The following ZNF208 variants were observed in gnomAD, a reference collection of about 807,000 sequenced individuals.
ZNF208 encodes the protein zinc finger protein 208.
Under a neutral mutation model 12.1 loss-of-function variants are expected in ZNF208, and 10 were observed. The ratio of observed to expected loss-of-function variants is 0.83; its 90% confidence interval spans 0.51 to 1.40. The LOEUF is 1.40. Among genes scored for constraint, ZNF208 ranks in the 40% most tolerant of loss-of-function variants. The probability of loss-of-function intolerance (pLI) is 0.00; values close to 1 mark genes in which losing one functional copy is unlikely to be tolerated. For synonymous variants in ZNF208, 497 were observed against 488.4 expected (o/e 1.02, Z -0.23); for missense variants, 1,652 against 1,485.0 (o/e 1.11, Z -1.85).
intron 4 of ZNF208, among the ~76,000 whole-genome samples, chr19:21,952,861 A>C (rs1461995571): frequency 3.3e-5 from 5 of 152,212 alleles, no homozygotes; most frequent in Admixed American, 2.6e-4. Context: ...GTCGGTAGTA[A>C]CAAACTTCTG....
intron 4 of ZNF208, among the ~76,000 whole-genome samples, chr19:21,957,254 G>A (rs1400375435): frequency 6.6e-6 from 1 of 152,154 alleles, no homozygotes; most frequent in East Asian, 1.9e-4. Context: ...TGGCTAGGAT[G>A]ATCTTGAACT....
In ZNF208 at chr19:21,971,755, A is replaced by G. The variant is rs879171085; in HGVS notation, c.3279T>C (p.Ala1093=). The change falls in exon 4 of 4, where the codon GCT becomes GCC. Residue 1093 remains alanine (A), a synonymous_variant. Coordinates refer to ENST00000397126, the MANE Select transcript of ZNF208 (RefSeq NM_007153.3). ...EPYKCEECGK[A]FNWSSNLMEH... ...CCATAAGGTTTGAGGACCAGTTGAA[A>G]GCTTTGCCACATTCTTCACATTTGT... 1 of 1,605,656 alleles carries G rather than the reference A, an allele frequency of 6.2e-7. No homozygotes were observed. The highest frequency in any genetic ancestry group is 8.5e-7 in the Non-Finnish European group (1 of 1,177,626).
At chr19:21,987,631 G>A (rs1056988579) in intron 2 of ZNF208, among the ~76,000 whole-genome samples, 7 of 152,134 alleles carry the variant, frequency 4.6e-5, no homozygotes, top group Admixed American at 1.3e-4. Context: ...CTCCTTTGAA[G>A]CACTGGAATG....
At chr19:21,944,731 A>T (rs987173814) in intron 4 of ZNF208, among the ~76,000 whole-genome samples, 1 of 152,208 alleles carries the variant, frequency 6.6e-6, no homozygotes, top group Non-Finnish European at 1.5e-5. Flanking sequence ...TGATTTAAAA[A>T]TTTTAATTTT....
At position 21,973,068 on chromosome 19, in the gene ZNF208, T is replaced by G. The variant is rs1599615340; in HGVS notation, c.1966A>C (p.Lys656Gln). The G allele has an allele frequency of 1.2e-6, 2 of 1,613,524 alleles. No homozygotes were observed. Among genetic ancestry groups the G allele is most frequent in the Non-Finnish European group, 1.7e-6 (2 of 1,179,708 alleles). The change falls in exon 4 of 4, where the codon AAG (lysine) becomes CAG (glutamine). Residue 656 changes from lysine (K) to glutamine (Q), a missense_variant. By Grantham distance (53) the Lys-to-Gln change is moderately conservative. Coordinates refer to ENST00000397126, the MANE Select transcript of ZNF208 (RefSeq NM_007153.3). ...GGCTTCTCTCCAGCATGAATTGCCT[T>G]ATGTGTAGTAAGGGTTGAGACCTTA... ...FIKVSTLTTH[K>Q]AIHAGEKPYK...
chr19:21,978,557 C>T (rs1298125895), intron 3 of ZNF208, among the ~76,000 whole-genome samples: 3 of 152,012 alleles, frequency 2.0e-5, no homozygotes, highest in Non-Finnish European at 4.4e-5. Flanking sequence ...ACTCAGAAAC[C>T]CCGTCCAAAA....
At chr19:21,984,524 G>A (rs146174010) in intron 3 of ZNF208, among the ~76,000 whole-genome samples, 29 of 152,264 alleles carry the variant, frequency 1.9e-4, no homozygotes, top group Non-Finnish European at 3.8e-4. Context: ...TTGCACTCCA[G>A]CCTGGTGATA....
At chr19:21,978,353 G>C (rs1207116679) in intron 3 of ZNF208, among the ~76,000 whole-genome samples, 7 of 152,182 alleles carry the variant, frequency 4.6e-5, no homozygotes, top group Non-Finnish European at 8.8e-5. Flanking sequence ...GGTGGCCTTG[G>C]GACGAAGCTT....
intron 4 of ZNF208, among the ~76,000 whole-genome samples, chr19:21,949,648 T>A (rs1969862368): frequency 6.6e-6 from 1 of 152,128 alleles, no homozygotes; most frequent in Non-Finnish European, 1.5e-5. Flanking sequence ...CCCTCAGTCT[T>A]CCCATAAGGA....
At chr19:22,002,681 T>C (rs1377136322) in intron 1 of ZNF208, among the ~76,000 whole-genome samples, 1 of 152,014 alleles carries the variant, frequency 6.6e-6, no homozygotes, top group Non-Finnish European at 1.5e-5. Flanking sequence ...AAAACAATGC[T>C]TAAAGAAGCC....
At chr19:21,976,800 A>T (rs577056830) in intron 3 of ZNF208, among the ~76,000 whole-genome samples, 6 of 152,306 alleles carry the variant, frequency 3.9e-5, no homozygotes, top group South Asian at 4.1e-4. Context: ...ACCTCAGGTG[A>T]TCTACCTGCC....
chr19:21,947,976 C>A (rs963819298), intron 4 of ZNF208, among the ~76,000 whole-genome samples: 2 of 151,986 alleles, frequency 1.3e-5, no homozygotes, highest in East Asian at 1.9e-4. Context: ...TCCTCTGGAC[C>A]CATGGGTGAA....
chr19:21,974,448 T>G lies in ZNF208; in HGVS notation c.586A>C (p.Thr196Pro), dbSNP rs1970387332. Reference sequence around the variant, plus strand: ...TCACATTTGTAGGAATTCTCTCTAGTATAAATTCTTTTATGTTGAGATAGG... The same window carrying G: ...TCACATTTGTAGGAATTCTCTCTAGGATAAATTCTTTTATGTTGAGATAGG... The part of the protein sequence containing the change: ...SHLSQHKRIY[T>P]RENSYKCEEG... Residue 196 changes from threonine to proline, a missense_variant, in exon 4 of 4, where the codon ACT (threonine) becomes CCT (proline). Transcript: ENST00000397126. The G allele has an allele frequency of 6.2e-7, 1 of 1,613,784 alleles. No homozygotes were observed. The highest frequency in any genetic ancestry group is 8.5e-7 in the Non-Finnish European group (1 of 1,179,788).
At chr19:22,006,832 C>A (rs190825640) in intron 1 of ZNF208, among the ~76,000 whole-genome samples, 5 of 152,212 alleles carry the variant, frequency 3.3e-5, no homozygotes, top group African/African-American at 9.6e-5. Context: ...AAGGTGCTTA[C>A]CTTTTGTACC....
intron 1 of ZNF208, among the ~76,000 whole-genome samples, chr19:22,005,747 T>C (rs1458483806): frequency 6.6e-6 from 1 of 152,196 alleles, no homozygotes; most frequent in Non-Finnish European, 1.5e-5. Flanking sequence ...TTATACTTAC[T>C]GGCTTCAAAT....
chr19:21,965,339 G>A (rs1216729771), downstream of ZNF208, among the ~76,000 whole-genome samples: 1 of 152,006 alleles, frequency 6.6e-6, no homozygotes, highest in Non-Finnish European at 1.5e-5. Flanking sequence ...AATTAGAAAT[G>A]TCATGGTTCA....
Position 21,967,116 on chromosome 19 carries a change from T to G in ZNF208, c.*4075A>C, listed in dbSNP as rs748033284. ...ATTTTTGTTGCACTCATGTTAGATG[T>G]TAGTCATAAATTCTTTACAGAGGCC... On this transcript the variant is annotated 3_prime_UTR_variant, in exon 4 of 4. Transcript: ENST00000397126. 7 of 152,160 alleles carry G rather than the reference T, an allele frequency of 4.6e-5. No individual in the cohort carries two copies. The highest frequency in any genetic ancestry group is 8.8e-5 in the Non-Finnish European group (6 of 68,016). The allele number at this position is 152,160 out of a possible 1,614,324, so 9.4% of individuals were successfully genotyped here.
At chr19:21,985,534 G>T (rs1312467968) in intron 3 of ZNF208, among the ~76,000 whole-genome samples, 2 of 152,166 alleles carry the variant, frequency 1.3e-5, no homozygotes, top group African/African-American at 4.8e-5. Flanking sequence ...CAAACTACAG[G>T]ACCCCTGCTC....
chr19:21,974,629 C>G lies in ZNF208; in HGVS notation c.405G>C (p.Gln135His). The change falls in exon 4 of 4, where the codon CAG (glutamine) becomes CAC (histidine). Residue 135 changes from glutamine (Q) to histidine (H), a missense_variant. Transcript: ENST00000397126. ...CTTTGCTCTGTGTAGTTGTCAAACT[C>G]TGGTTAAGTTTATTATAACCTTCTT... ...VHKEGYNKLN[Q>H]SLTTTQSKVF... is the part of the protein sequence containing the mutation. 6.2e-7 allele frequency: 1 copy of G among 1,613,664 alleles called. No homozygotes were observed. The highest frequency in any genetic ancestry group is 8.5e-7 in the Non-Finnish European group (1 of 1,179,726).
Sources: gnomAD v4.1 joint callset for allele counts (sites outside exome capture counted in the v4.1 genomes callset) on GRCh38, gnomAD v4.1.1 for gene constraint, MANE v1.5 for transcripts, NCBI Gene and HGNC (gene_info 2026-07-23, HGNC 2026-07-21) for gene names.